Variants in SERGEF observed in about 807,000 individuals in gnomAD.
SERGEF encodes the protein secretion regulating guanine nucleotide exchange factor, also known as secretion-regulating guanine nucleotide exchange factor.
Under a neutral mutation model 50.0 loss-of-function variants are expected in SERGEF, and 51 were observed. The ratio of observed to expected loss-of-function variants is 1.02; its 90% confidence interval spans 0.81 to 1.29. The LOEUF (loss-of-function observed/expected upper bound fraction) is 1.29. Among genes scored for constraint, SERGEF ranks in the 50% most tolerant of loss-of-function variants. The pLI is 0.00. For synonymous variants in SERGEF, 205 were observed against 212.4 expected (o/e 0.97, Z 0.30); for missense variants, 521 against 557.0 (o/e 0.94, Z 0.65).
chr11:17,976,120 AACTTAC>A (rs1853367884), intron 8 of SERGEF, among the ~76,000 whole-genome samples: 1 of 152,126 alleles, frequency 6.6e-6, no homozygotes. Flanking sequence ...GCCAAATCAG[AACTTAC>A]ACCTAGCTCT....
intron 10 of SERGEF, among the ~76,000 whole-genome samples, chr11:17,807,481 C>T (rs1849782970): frequency 6.6e-6 from 1 of 152,236 alleles, no homozygotes; most frequent in African/African-American, 2.4e-5. Context: ...GGAAGCCAGG[C>T]CCTGGCTGTC....
At chr11:17,857,919 C>T (rs1045183339) in intron 10 of SERGEF, among the ~76,000 whole-genome samples, 1 of 152,110 alleles carries the variant, frequency 6.6e-6, no homozygotes, top group African/African-American at 2.4e-5. Flanking sequence ...TATGAATCCA[C>T]CAAGAAAAGA....
chr11:17,954,990 T>C (rs1852837189), intron 9 of SERGEF, among the ~76,000 whole-genome samples: 1 of 152,228 alleles, frequency 6.6e-6, no homozygotes, highest in Non-Finnish European at 1.5e-5. Flanking sequence ...GAAGGTCATT[T>C]TCCTTCAGAC....
At chr11:17,934,161 T>C (rs749723477) in intron 9 of SERGEF, among the ~76,000 whole-genome samples, 12 of 152,158 alleles carry the variant, frequency 7.9e-5, no homozygotes, top group Non-Finnish European at 1.3e-4. Context: ...TCACTGCCAT[T>C]ATCCAGGAAG....
intron 10 of SERGEF, among the ~76,000 whole-genome samples, chr11:17,817,135 T>C (rs776153688): frequency 2.0e-5 from 3 of 152,022 alleles, no homozygotes; most frequent in Non-Finnish European, 2.9e-5. Flanking sequence ...CTCATGATAA[T>C]AATAACAATA....
intron 1 of SERGEF, chr11:18,012,717 T>A: frequency 8.7e-7 from 1 of 1,155,762 alleles, no homozygotes. Flanking sequence ...CCACAGCCCC[T>A]CCGGCCCTGA....
At chr11:17,800,944 C>T (rs1359360901) in intron 10 of SERGEF, among the ~76,000 whole-genome samples, 1 of 152,078 alleles carries the variant, frequency 6.6e-6, no homozygotes, top group Non-Finnish European at 1.5e-5. Context: ...ACCTGTAATC[C>T]CAGCACTTTG....
At position 17,788,110 on chromosome 11, in the gene SERGEF, T is replaced by C. The variant is rs769770151; in HGVS notation, c.1352A>G (p.Asp451Gly). 6.5e-7 allele frequency: 1 copy of C among 1,547,596 alleles called. No homozygotes were observed. Among genetic ancestry groups the C allele is most frequent in the Admixed American group, 1.9e-5 (1 of 53,400 alleles). Residue 451 changes from aspartate to glycine, a missense_variant, in exon 11 of 11, where the codon GAC becomes GGC. Coordinates refer to ENST00000265965, the MANE Select transcript of SERGEF (RefSeq NM_012139.4). ...QSETSTQSQS[D>G]WSRNGGL The stretch of plus-strand genomic sequence containing the variant: ...TCACAGTCCCCCATTTCTGGACCAG[T>C]CAGATTGGCTTTGGGTTGAAGTTTC...
At chr11:18,004,593 G>T in intron 3 of SERGEF, 58 bp from the exon 4 acceptor site, 1 of 1,210,148 alleles carries the variant, frequency 8.3e-7, no homozygotes. Flanking sequence ...TGTGACCAAT[G>T]GGTAAATGCT....
At chr11:17,848,531 A>G (rs1269207758) in intron 10 of SERGEF, among the ~76,000 whole-genome samples, 1 of 152,154 alleles carries the variant, frequency 6.6e-6, no homozygotes, top group East Asian at 1.9e-4. Flanking sequence ...TGCTTCCTAC[A>G]CTGGAAAGTA....
chr11:17,911,341 TATATA>T (rs1276831979), intron 9 of SERGEF, among the ~76,000 whole-genome samples: 3 of 146,674 alleles, frequency 2.0e-5, no homozygotes, highest in Non-Finnish European at 4.5e-5. Flanking sequence ...ATATATATTA[TATATA>T]ATATATATAT....
chr11:17,860,728 G>A (rs921819112), intron 10 of SERGEF, among the ~76,000 whole-genome samples: 2 of 152,158 alleles, frequency 1.3e-5, no homozygotes, highest in African/African-American at 4.8e-5. Context: ...TCAAATATGA[G>A]TTTAAGATCT....
At chr11:17,988,110 G>A (rs1444896326) in intron 8 of SERGEF, among the ~76,000 whole-genome samples, 1 of 152,186 alleles carries the variant, frequency 6.6e-6, no homozygotes, top group Non-Finnish European at 1.5e-5. Context: ...GGGAATATAT[G>A]AGATGTCTGA....
intron 9 of SERGEF, among the ~76,000 whole-genome samples, chr11:17,901,209 C>T (rs1851744201): frequency 6.6e-6 from 1 of 152,148 alleles, no homozygotes. Context: ...CCCTCTTTTC[C>T]ATCTCTACTG....
intron 9 of SERGEF, among the ~76,000 whole-genome samples, chr11:17,898,875 C>A (rs1851693862): frequency 6.6e-6 from 1 of 152,060 alleles, no homozygotes; most frequent in African/African-American, 2.4e-5. Flanking sequence ...GGAGGTGGGG[C>A]CTGGTAGGAG....
chr11:17,813,820 C>T (rs140151957), intron 10 of SERGEF, among the ~76,000 whole-genome samples: 41 of 152,344 alleles, frequency 2.7e-4, no homozygotes, highest in East Asian at 1.7e-3. Context: ...GAGGAAAACT[C>T]GTTATCTGTA....
At chr11:17,934,098 T>A (rs969587187) in intron 9 of SERGEF, among the ~76,000 whole-genome samples, 40 of 151,098 alleles carry the variant, frequency 2.6e-4, no homozygotes, top group Non-Finnish European at 5.3e-4. Flanking sequence ...AAAACTAGAA[T>A]TTTTTTTTAA....
At chr11:17,922,040 T>C (rs2133939904) in intron 9 of SERGEF, among the ~76,000 whole-genome samples, 1 of 152,236 alleles carries the variant, frequency 6.6e-6, no homozygotes, top group Middle Eastern at 3.4e-3. Flanking sequence ...TGGACTTGTC[T>C]CAAAGATGAG....
Position 17,800,641 on chromosome 11 carries a change from T to G in SERGEF, c.1049-12228A>C, listed in dbSNP as rs557782160. Among the ~76,000 whole-genome samples the G allele has an allele frequency of 2.6e-5, 4 of 152,226 alleles. No individual in the cohort carries two copies. The East Asian group carries it at 7.7e-4, about 29-fold the overall frequency. Reference sequence around the variant, plus strand: ...GTCATACAATTCAACAGAATGCAGCTAGTAATATGAGTTATAAAAAAACAG... The same window carrying G: ...GTCATACAATTCAACAGAATGCAGCGAGTAATATGAGTTATAAAAAAACAG... On this transcript the variant is annotated intron_variant, in intron 10 of 10. Transcript: ENST00000265965.
Sources: gnomAD v4.1 joint callset for allele counts (sites outside exome capture counted in the v4.1 genomes callset) on GRCh38, gnomAD v4.1.1 for gene constraint, MANE v1.5 for transcripts, NCBI Gene and HGNC (gene_info 2026-07-23, HGNC 2026-07-21) for gene names.